The following EXT1 variants were observed in gnomAD, a reference collection of about 807,000 sequenced individuals.
The protein encoded by EXT1 is exostosin-1.
In EXT1, 20 loss-of-function variants were observed where a neutral mutation model predicts 82.5. That is an observed-to-expected ratio of 0.24 (90% CI 0.17 to 0.35). EXT1 has a LOEUF of 0.35. Ranked by LOEUF, EXT1 falls within the 10% of genes least tolerant of loss-of-function variation. EXT1 has a pLI of 1.00. For missense variants in EXT1, 757 were observed against 936.5 expected (o/e 0.81, Z 2.50); for synonymous variants, 348 against 350.8 (o/e 0.99, Z 0.09).
chr8:117,846,119 C>G (rs755792526), intron 1 of EXT1, among the ~76,000 whole-genome samples: 30 of 151,918 alleles, frequency 2.0e-4, no homozygotes, highest in Non-Finnish European at 3.4e-4. Flanking sequence ...TTTTTTCCCC[C>G]CTTTGAGCAG....
chr8:118,021,461 CAAAT>C lies in EXT1; in HGVS notation c.962+88620_962+88623del, dbSNP rs1252780917. ...GTTTTGACATTAGAAATTTATGACT[CAAAT>C]AAAACTCTTCTGCAGAAGTTCAGGT... On this transcript the variant is annotated intron_variant, in intron 1 of 10. Coordinates refer to ENST00000378204, the MANE Select transcript of EXT1 (RefSeq NM_000127.3). Among the ~76,000 whole-genome samples the C allele has an allele frequency of 3.3e-5, 5 of 152,120 alleles. No individual in the cohort carries two copies. In the East Asian group the frequency reaches 5.8e-4, roughly 18 times the overall value.
intron 1 of EXT1, among the ~76,000 whole-genome samples, chr8:117,890,355 G>T (rs1813221449): frequency 6.6e-6 from 1 of 152,154 alleles, no homozygotes; most frequent in Non-Finnish European, 1.5e-5. Flanking sequence ...TCACAACTGG[G>T]GAATGGGTGG....
chr8:117,959,774 A>G (rs1369535810), intron 1 of EXT1, among the ~76,000 whole-genome samples: 1 of 152,192 alleles, frequency 6.6e-6, no homozygotes, highest in Admixed American at 6.5e-5. Flanking sequence ...TAGGAACCCA[A>G]GTTAAGGAGG....
intron 1 of EXT1, among the ~76,000 whole-genome samples, chr8:118,104,921 T>C (rs1817782006): frequency 6.6e-6 from 1 of 152,200 alleles, no homozygotes; most frequent in South Asian, 2.1e-4. Flanking sequence ...GAATATGCAG[T>C]GCTGCAAAGC....
At chr8:118,032,661 C>T (rs1469179889) in intron 1 of EXT1, among the ~76,000 whole-genome samples, 2 of 151,946 alleles carry the variant, frequency 1.3e-5, no homozygotes, top group Non-Finnish European at 2.9e-5. Flanking sequence ...CAGACATGTG[C>T]CACCACGCCC....
chr8:118,074,662 G>T (rs73327854), intron 1 of EXT1, among the ~76,000 whole-genome samples: 1 of 152,050 alleles, frequency 6.6e-6, no homozygotes, highest in African/African-American at 2.4e-5. Context: ...GGTGAGGGGC[G>T]AGATATTTAC....
chr8:117,840,234 G>A (rs1812251907), intron 1 of EXT1, among the ~76,000 whole-genome samples: 1 of 152,058 alleles, frequency 6.6e-6, no homozygotes. Context: ...TGCCTTACAG[G>A]AGCTTTACTC....
At chr8:118,094,029 G>C (rs748840971) in intron 1 of EXT1, among the ~76,000 whole-genome samples, 1 of 152,188 alleles carries the variant, frequency 6.6e-6, no homozygotes, top group African/African-American at 2.4e-5. Flanking sequence ...TGGCTACCTG[G>C]ATTGCTAGAA....
intron 1 of EXT1, among the ~76,000 whole-genome samples, chr8:117,895,189 C>T (rs1043206116): frequency 3.9e-5 from 6 of 152,008 alleles, no homozygotes; most frequent in Non-Finnish European, 5.9e-5. Context: ...TGCTTGGGCT[C>T]GGCTCTAATA....
intron 1 of EXT1, among the ~76,000 whole-genome samples, chr8:117,979,061 A>C (rs1169301418): frequency 6.6e-6 from 1 of 152,136 alleles, no homozygotes; most frequent in Non-Finnish European, 1.5e-5. Context: ...TTGAGTTAAA[A>C]AGCAAATGCT....
intron 1 of EXT1, among the ~76,000 whole-genome samples, chr8:117,967,648 T>A (rs992792737): frequency 1.3e-5 from 2 of 152,240 alleles, no homozygotes; most frequent in Non-Finnish European, 2.9e-5. Flanking sequence ...AGCACTTGGA[T>A]AACAAGGGCA....
chr8:117,871,941 A>G (rs1293108178), intron 1 of EXT1, among the ~76,000 whole-genome samples: 1 of 152,152 alleles, frequency 6.6e-6, no homozygotes, highest in Non-Finnish European at 1.5e-5. Context: ...CCTAGGCAAC[A>G]TAGCGAGACC....
At chr8:118,097,132 G>A (rs1427519644) in intron 1 of EXT1, among the ~76,000 whole-genome samples, 1 of 151,796 alleles carries the variant, frequency 6.6e-6, no homozygotes, top group African/African-American at 2.4e-5. Context: ...CAAACGACCT[G>A]GTGAGCTTTT....
intron 1 of EXT1, among the ~76,000 whole-genome samples, chr8:117,927,677 TAGAA>T (rs1446987997): frequency 1.3e-5 from 2 of 152,154 alleles, no homozygotes; most frequent in Non-Finnish European, 2.9e-5. Flanking sequence ...GCTTACAAAA[TAGAA>T]AGATACTTCT....
intron 1 of EXT1, among the ~76,000 whole-genome samples, chr8:117,858,831 A>T (rs1812625611): frequency 2.2e-5 from 1 of 44,810 alleles, no homozygotes. Context: ...GAAGGAAGGA[A>T]GGAAGGAAGG....
intron 1 of EXT1, among the ~76,000 whole-genome samples, chr8:118,098,333 T>A (rs1817656604): frequency 6.6e-6 from 1 of 152,058 alleles, no homozygotes; most frequent in Non-Finnish European, 1.5e-5. Flanking sequence ...GGCCCCTCCC[T>A]TCTCCAAACC....
intron 1 of EXT1, among the ~76,000 whole-genome samples, chr8:117,993,573 A>G (rs1459564396): frequency 3.3e-5 from 5 of 152,232 alleles, no homozygotes; most frequent in Non-Finnish European, 5.9e-5. Flanking sequence ...TGCTTAAACC[A>G]ACATTTCCCA....
At chr8:117,921,767 A>T (rs957656546) in intron 1 of EXT1, among the ~76,000 whole-genome samples, 2 of 152,182 alleles carry the variant, frequency 1.3e-5, no homozygotes, top group Non-Finnish European at 2.9e-5. Flanking sequence ...GTCTATGATC[A>T]CATTCCTATA....
chr8:118,077,171 C>T (rs1197957063), intron 1 of EXT1, among the ~76,000 whole-genome samples: 1 of 152,162 alleles, frequency 6.6e-6, no homozygotes, highest in Admixed American at 6.5e-5. Context: ...GCTAGGAATG[C>T]CAAGAGCTCT....
Sources: gnomAD v4.1 joint callset for allele counts (sites outside exome capture counted in the v4.1 genomes callset) on GRCh38, gnomAD v4.1.1 for gene constraint, MANE v1.5 for transcripts, NCBI Gene and HGNC (gene_info 2026-07-23, HGNC 2026-07-21) for gene names.